The following SMCHD1 variants were observed in gnomAD, a reference collection of about 807,000 sequenced individuals.
The protein encoded by SMCHD1 is structural maintenance of chromosomes flexible hinge domain-containing protein 1.
Under a neutral mutation model 254.7 loss-of-function variants are expected in SMCHD1, and 78 were observed. The observed-to-expected ratio is 0.31, with a 90% CI of 0.26 to 0.37. SMCHD1 has a LOEUF of 0.37. Among genes scored for constraint, SMCHD1 ranks in the 10% least tolerant of loss-of-function variants. The probability of loss-of-function intolerance (pLI) is 1.00; values close to 1 mark genes in which losing one functional copy is unlikely to be tolerated. For missense variants in SMCHD1, 1,840 were observed against 2,408.1 expected (o/e 0.76, Z 4.94); for synonymous variants, 766 against 794.9 (o/e 0.96, Z 0.61).
At chr18:2,724,461 T>G (rs2074987219) in intron 20 of SMCHD1, among the ~76,000 whole-genome samples, 1 of 152,092 alleles carries the variant, frequency 6.6e-6, no homozygotes, top group Non-Finnish European at 1.5e-5. Flanking sequence ...CCATTCAGTT[T>G]AATAACAGAT....
At chr18:2,668,605 G>T (rs1051971626) in intron 3 of SMCHD1, among the ~76,000 whole-genome samples, 1 of 152,048 alleles carries the variant, frequency 6.6e-6, no homozygotes, top group Admixed American at 6.5e-5. Flanking sequence ...AAACACTAAA[G>T]TCTTACTTCC....
chr18:2,666,366 ACTGG>A (rs2073437840), intron 2 of SMCHD1, 134 bp downstream of exon 2: 2 of 538,870 alleles, frequency 3.7e-6, no homozygotes, highest in Non-Finnish European at 6.7e-6. Context: ...GAGGGAGGAA[ACTGG>A]CTGCATGTGC....
intron 29 of SMCHD1, among the ~76,000 whole-genome samples, chr18:2,746,449 G>A (rs2075454503): frequency 6.6e-6 from 1 of 152,132 alleles, no homozygotes; most frequent in Non-Finnish European, 1.5e-5. Context: ...ATGAAATACT[G>A]TATGTTTACA....
chr18:2,673,378 C>A lies in SMCHD1; in HGVS notation c.507+15C>A. ...AGATCAAATTGGTAAGGAAATAATA[C>A]TGTAAAGCAATTTAACTTTTCCTTT... On this transcript the variant is annotated intron_variant, in intron 4 of 47. Coordinates refer to ENST00000320876, the MANE Select transcript of SMCHD1 (RefSeq NM_015295.3). 2 of 1,422,110 alleles carry A rather than the reference C, an allele frequency of 1.4e-6. No homozygotes were observed. Among genetic ancestry groups the A allele is most frequent in the Non-Finnish European group, 1.9e-6 (2 of 1,065,902 alleles). The allele number at this position is 1,422,110 out of a possible 1,614,324, so 88.1% of individuals were successfully genotyped here. A position where few individuals can be genotyped will look rare whatever the true frequency, so the allele number is the denominator to read the frequency against.
At position 2,760,749 on chromosome 18, in the gene SMCHD1, C is replaced by CT. The variant is rs781729128; in HGVS notation, c.4434+17dup. ...TCTCAACAGTGAACAGGTTTGCTTA[C>CT]TTTTTTTATATACCACAGTTAGCTT... is the stretch of plus-strand genomic sequence containing the variant. On this transcript the variant is annotated intron_variant, in intron 35 of 47. Coordinates refer to ENST00000320876, the MANE Select transcript of SMCHD1 (RefSeq NM_015295.3). The CT allele has an allele frequency of 7.8e-6, 12 of 1,535,738 alleles. No homozygotes were observed. Among genetic ancestry groups the CT allele is most frequent in the Non-Finnish European group, 1.1e-5 (12 of 1,115,396 alleles).
At chr18:2,688,872 A>G (rs2074110406) in intron 7 of SMCHD1, 125 bp downstream of exon 7, 2 of 572,974 alleles carry the variant, frequency 3.5e-6, no homozygotes, top group African/African-American at 1.9e-5. Context: ...AATAACAAAA[A>G]TGGGCTTTCT....
chr18:2,659,157 G>T (rs2073169802), intron 1 of SMCHD1, among the ~76,000 whole-genome samples: 1 of 152,116 alleles, frequency 6.6e-6, no homozygotes, highest in African/African-American at 2.4e-5. Flanking sequence ...TCGCTCTGTT[G>T]CCCGGGCTGG....
At position 2,804,844 on chromosome 18, in the gene SMCHD1, A is replaced by G. The variant is rs544346157; in HGVS notation, c.*2292A>G. 3 of 152,362 alleles carry G rather than the reference A, an allele frequency of 2.0e-5. No homozygotes were observed. The South Asian group carries it at 6.2e-4, about 32-fold the overall frequency. 9.4% of individuals were successfully genotyped at this position (152,362 alleles called of 1,614,324 possible). A position where few individuals can be genotyped will look rare whatever the true frequency, so the allele number is the denominator to read the frequency against. ...GTATAAAGGAATGTAACTGGAGAAA[A>G]AAATTAATGCTACAGCCATTTATCC... is the stretch of plus-strand genomic sequence containing the variant. On this transcript the variant is annotated 3_prime_UTR_variant, in exon 48 of 48. Coordinates refer to ENST00000320876, the MANE Select transcript of SMCHD1 (RefSeq NM_015295.3).
At position 2,802,588 on chromosome 18, in the gene SMCHD1, A is replaced by G. The variant is rs765968399; in HGVS notation, c.*36A>G. The G allele has an allele frequency of 6.5e-7, 1 of 1,534,884 alleles. No homozygotes were observed. The highest frequency in any genetic ancestry group is 8.8e-7 in the Non-Finnish European group (1 of 1,138,010). ...AGAGAAGAGGCCATTGGTCTCAGTA[A>G]GAATGCCCTGCTTTCTGCATCTCTG... On this transcript the variant is annotated 3_prime_UTR_variant, in exon 48 of 48. Coordinates refer to ENST00000320876, the MANE Select transcript of SMCHD1 (RefSeq NM_015295.3).
intron 10 of SMCHD1, 140 bp downstream of exon 10, chr18:2,698,181 G>T: frequency 1.2e-5 from 7 of 588,010 alleles, no homozygotes; most frequent in East Asian, 3.0e-5. Context: ...TAGATTGTTA[G>T]GTATTTGTAA....
intron 36 of SMCHD1, 92 bp from the exon 37 acceptor site, chr18:2,763,545 G>A: frequency 2.0e-6 from 2 of 997,194 alleles, no homozygotes; most frequent in Non-Finnish European, 2.8e-6. Flanking sequence ...AATGTTGGGG[G>A]CTCTCTGTAT....
chr18:2,779,192 C>T (rs1049345745), intron 44 of SMCHD1: 1 of 131,864 alleles, frequency 7.6e-6, no homozygotes, highest in African/African-American at 2.4e-5. Context: ...TAAGTTTAAA[C>T]AACAACATAT....
At chr18:2,656,361 G>A (rs1404801095) in intron 1 of SMCHD1, 100 bp downstream of exon 1, 5 of 1,112,702 alleles carry the variant, frequency 4.5e-6, no homozygotes, top group Admixed American at 4.2e-5. Context: ...CCTGTCACCC[G>A]GTCCCGGTCC....
At chr18:2,746,221 A>G (rs116443687) in intron 29 of SMCHD1, among the ~76,000 whole-genome samples, 2 of 152,364 alleles carry the variant, frequency 1.3e-5, no homozygotes, top group African/African-American at 4.8e-5. Context: ...CTGAAATATT[A>G]ACATGCCAGT....
chr18:2,804,749 C>T lies in SMCHD1; in HGVS notation c.*2197C>T, dbSNP rs558976791. 9.9e-5 allele frequency: 15 copies of T among 152,168 alleles called. No homozygotes were observed. Among genetic ancestry groups the T allele is most frequent in the African/African-American group, 3.6e-4 (15 of 41,542 alleles). The allele number at this position is 152,168 out of a possible 1,614,324, so 9.4% of individuals were successfully genotyped here. ...TGTTGTACCAAATAATAATAAATTG[C>T]TTTTGTGTTTAATATGTAACACGTA... On this transcript the variant is annotated 3_prime_UTR_variant, in exon 48 of 48. Coordinates refer to ENST00000320876, the MANE Select transcript of SMCHD1 (RefSeq NM_015295.3).
chr18:2,779,937 C>T (rs773276744), intron 44 of SMCHD1, among the ~76,000 whole-genome samples: 1 of 152,018 alleles, frequency 6.6e-6, no homozygotes, highest in African/African-American at 2.4e-5. Flanking sequence ...CTTTGGGCCT[C>T]GTTAAGAAGC....
intron 47 of SMCHD1, chr18:2,800,543 G>A (rs1035465357): frequency 1.3e-5 from 2 of 151,968 alleles, no homozygotes; most frequent in African/African-American, 4.8e-5. Context: ...TTGCTGTGTT[G>A]ACCAGGCTGG....
chr18:2,793,972 G>C (rs2076215886), intron 45 of SMCHD1, among the ~76,000 whole-genome samples: 1 of 152,004 alleles, frequency 6.6e-6, no homozygotes, highest in Admixed American at 6.6e-5. Flanking sequence ...TTCTTCCACA[G>C]TTTTACTTAT....
At chr18:2,756,669 C>T (rs1324670303) in intron 34 of SMCHD1, among the ~76,000 whole-genome samples, 1 of 152,066 alleles carries the variant, frequency 6.6e-6, no homozygotes, top group African/African-American at 2.4e-5. Flanking sequence ...GATCTCAGCT[C>T]ACTGCAACCT....
Sources: gnomAD v4.1 joint callset for allele counts (sites outside exome capture counted in the v4.1 genomes callset) on GRCh38, gnomAD v4.1.1 for gene constraint, MANE v1.5 for transcripts, NCBI Gene and HGNC (gene_info 2026-07-23, HGNC 2026-07-21) for gene names.